The following TFB1M variants were observed in gnomAD, a reference collection of about 807,000 sequenced individuals.
The protein encoded by TFB1M is dimethyladenosine transferase 1, mitochondrial.
Under a neutral mutation model 31.1 loss-of-function variants are expected in TFB1M, and 27 were observed. That is an observed-to-expected ratio of 0.87 (90% confidence interval 0.64 to 1.20). TFB1M has a LOEUF of 1.20. TFB1M is among the 50% of genes most tolerant of loss of function. TFB1M has a pLI of 0.00. For synonymous variants in TFB1M, 166 were observed against 151.8 expected (o/e 1.09, Z -0.69); for missense variants, 394 against 418.7 (o/e 0.94, Z 0.51).
chr6:155,303,642 TAG>T (rs1777533021), intron 2 of TFB1M: 1 of 152,252 alleles, frequency 6.6e-6, no homozygotes, highest in Non-Finnish European at 1.5e-5. Flanking sequence ...AAAAAATTGT[TAG>T]AGATTAAAGA....
intron 4 of TFB1M, among the ~76,000 whole-genome samples, chr6:155,287,702 A>G (rs1047436610): frequency 2.0e-5 from 3 of 152,130 alleles, no homozygotes; most frequent in Non-Finnish European, 2.9e-5. Flanking sequence ...CTCCAAACAT[A>G]TCAACAATAT....
intron 2 of TFB1M, among the ~76,000 whole-genome samples, chr6:155,307,281 G>C (rs960603370): frequency 4.7e-4 from 71 of 152,100 alleles, no homozygotes; most frequent in Admixed American, 4.6e-3. Context: ...TCGTTTTCAT[G>C]CTGCTGCTCA....
chr6:155,286,503 A>ATATATATGTATATATATACACGTG (rs1562407567), intron 4 of TFB1M, among the ~76,000 whole-genome samples: 1 of 140,524 alleles, frequency 7.1e-6, no homozygotes, highest in African/African-American at 2.8e-5. Flanking sequence ...ATATGTGTGT[A>ATATATATGTATATATATACACGTG]TATATATGTG....
intron 4 of TFB1M, among the ~76,000 whole-genome samples, chr6:155,286,585 G>GTGTGTATA (rs1562407847): frequency 1.6e-4 from 23 of 146,428 alleles, no homozygotes; most frequent in African/African-American, 4.5e-4. Context: ...ATGTGTATAT[G>GTGTGTATA]TATATGTGTG....
chr6:155,247,836 C>T, the TFB1M span, among the ~76,000 whole-genome samples: 2 of 152,184 alleles, frequency 1.3e-5, no homozygotes, highest in African/African-American at 4.8e-5. Context: ...CGGAATCCCA[C>T]GCTGACAGCT....
the TFB1M span, chr6:155,240,790 C>G: frequency 6.9e-7 from 1 of 1,455,518 alleles, no homozygotes; most frequent in Non-Finnish European, 9.2e-7. Context: ...CCCAGATCAC[C>G]TCTGCCCAGG....
chr6:155,278,563 G>A (rs1440724068), intron 5 of TFB1M, among the ~76,000 whole-genome samples: 3 of 152,178 alleles, frequency 2.0e-5, no homozygotes, highest in South Asian at 2.1e-4. Flanking sequence ...ACACATGCCA[G>A]TCCTGGCTTA....
chr6:155,279,564 AAT>A (rs757663915), intron 5 of TFB1M, among the ~76,000 whole-genome samples: 3 of 152,192 alleles, frequency 2.0e-5, no homozygotes, highest in Non-Finnish European at 2.9e-5. Flanking sequence ...GGATGTGGAC[AAT>A]GTTTTCTCAT....
At chr6:155,302,581 AG>A (rs1777478040) in intron 2 of TFB1M, among the ~76,000 whole-genome samples, 1 of 152,158 alleles carries the variant, frequency 6.6e-6, no homozygotes, top group Non-Finnish European at 1.5e-5. Flanking sequence ...GTACGTTTTC[AG>A]ACTTTCTCAG....
the TFB1M span, among the ~76,000 whole-genome samples, chr6:155,236,951 C>T: frequency 6.6e-6 from 1 of 152,220 alleles, no homozygotes; most frequent in Non-Finnish European, 1.5e-5. Context: ...CATATCTTCA[C>T]ATTTGAAAAC....
downstream of TFB1M, chr6:155,254,271 G>T (rs771168271): frequency 1.8e-6 from 2 of 1,090,924 alleles, no homozygotes; most frequent in Middle Eastern, 2.6e-4. Context: ...ACCTCCTTCT[G>T]TACGGGAGGC....
At chr6:155,232,281 C>T in the TFB1M span, among the ~76,000 whole-genome samples, 5 of 151,342 alleles carry the variant, frequency 3.3e-5, no homozygotes, top group African/African-American at 7.3e-5. Flanking sequence ...TTTTTTTTCC[C>T]GTTTTCCTAA....
chr6:155,298,686 C>A, intron 2 of TFB1M, 101 bp from the exon 3 acceptor site: 1 of 782,034 alleles, frequency 1.3e-6, no homozygotes, highest in South Asian at 1.4e-5. Context: ...TTAAAAAAGT[C>A]AGAGACCAGG....
chr6:155,284,852 G>A (rs192305706), intron 5 of TFB1M, among the ~76,000 whole-genome samples: 3 of 152,268 alleles, frequency 2.0e-5, no homozygotes, highest in Non-Finnish European at 2.9e-5. Context: ...TTGGGTGACC[G>A]TGTAACTTAT....
intron 5 of TFB1M, chr6:155,275,970 T>G: frequency 2.5e-6 from 4 of 1,614,216 alleles, no homozygotes; most frequent in Non-Finnish European, 3.4e-6. Flanking sequence ...AGAGCCACCA[T>G]GGTCCTGGCG....
the TFB1M span, chr6:155,250,656 C>A: frequency 6.6e-7 from 1 of 1,526,380 alleles, no homozygotes; most frequent in South Asian, 1.2e-5. Context: ...CTGAGTTGGT[C>A]ACAAGGCATG....
chr6:155,276,066 A>T (rs1210398622), intron 5 of TFB1M: 3 of 1,614,196 alleles, frequency 1.9e-6, no homozygotes, highest in Non-Finnish European at 2.5e-6. Flanking sequence ...ACCAAGAGCC[A>T]TGCTTCCTTT....
intron 4 of TFB1M, among the ~76,000 whole-genome samples, chr6:155,288,373 A>G (rs1776762116): frequency 6.6e-6 from 1 of 152,248 alleles, no homozygotes; most frequent in Non-Finnish European, 1.5e-5. Flanking sequence ...CAAGACACAT[A>G]TACTCTCATA....
At chr6:155,240,098 C>T in the TFB1M span, among the ~76,000 whole-genome samples, 1 of 152,234 alleles carries the variant, frequency 6.6e-6, no homozygotes, top group Non-Finnish European at 1.5e-5. Flanking sequence ...CCGGGCTGTT[C>T]TGTGTGGGAG....
Sources: gnomAD v4.1 joint callset for allele counts (sites outside exome capture counted in the v4.1 genomes callset) on GRCh38, gnomAD v4.1.1 for gene constraint, MANE v1.5 for transcripts, NCBI Gene and HGNC (gene_info 2026-07-23, HGNC 2026-07-21) for gene names.